NTRK3: variants seen among roughly 807,000 people sequenced by gnomAD.
The protein encoded by NTRK3 is NT-3 growth factor receptor.
Under a neutral mutation model 91.7 loss-of-function variants are expected in NTRK3, and 24 were observed. That is an observed-to-expected ratio of 0.26 (90% CI 0.19 to 0.37). The LOEUF (loss-of-function observed/expected upper bound fraction) is 0.37. Ranked by LOEUF, NTRK3 falls within the 10% of genes least tolerant of loss-of-function variation. The pLI, the probability that NTRK3 is intolerant of heterozygous loss-of-function variation, is 1.00. For missense variants in NTRK3, 880 were observed against 1,068.9 expected (o/e 0.82, Z 2.46); for synonymous variants, 483 against 404.0 (o/e 1.20, Z -2.34).
At position 88,066,693 on chromosome 15, in the gene NTRK3, G is replaced by C. The variant is rs148885938; in HGVS notation, c.1397-33648C>G. On this transcript the variant is annotated intron_variant, in intron 13 of 18. Coordinates refer to ENST00000394480, the Ensembl canonical transcript of NTRK3. ...CACCCGCCCTGAGGACCTGCAGGCA[G>C]AGCCTTGGCCAATCCCATGTTCAAT... is the stretch of plus-strand genomic sequence containing the variant. Among the ~76,000 whole-genome samples the C allele has an allele frequency of 3.6e-3, 550 of 152,248 alleles. 1 individual carries two copies. The highest frequency in any genetic ancestry group is 6.2e-3 in the Non-Finnish European group (420 of 68,014).
chr15:88,112,901 G>A (rs1429210131), intron 13 of NTRK3, among the ~76,000 whole-genome samples: 1 of 152,210 alleles, frequency 6.6e-6, no homozygotes, highest in Non-Finnish European at 1.5e-5. Flanking sequence ...GGGAGGTACA[G>A]AGTTACCCCA....
At chr15:88,150,564 C>T (rs977094124) in intron 5 of NTRK3, among the ~76,000 whole-genome samples, 5 of 152,050 alleles carry the variant, frequency 3.3e-5, no homozygotes, top group Non-Finnish European at 7.4e-5. Context: ...ATTCCTCCCG[C>T]TCTTTGGGTG....
chr15:87,994,579 G>C (rs2075545358), intron 14 of NTRK3, among the ~76,000 whole-genome samples: 1 of 152,134 alleles, frequency 6.6e-6, no homozygotes, highest in African/African-American at 2.4e-5. Context: ...CCTTGATCTT[G>C]GATTTCGGGC....
chr15:87,894,669 C>T (rs1300081765), intron 17 of NTRK3, among the ~76,000 whole-genome samples: 3 of 152,168 alleles, frequency 2.0e-5, no homozygotes, highest in African/African-American at 7.2e-5. Context: ...TATAGCCCTC[C>T]TTCCTGGAAT....
At chr15:88,206,912 C>A (rs2048843544) in intron 3 of NTRK3, among the ~76,000 whole-genome samples, 1 of 152,162 alleles carries the variant, frequency 6.6e-6, no homozygotes, top group Non-Finnish European at 1.5e-5. Context: ...CACACCATTG[C>A]CCCTGGTCAA....
intron 5 of NTRK3, among the ~76,000 whole-genome samples, chr15:88,170,198 A>G (rs889571661): frequency 8.5e-5 from 13 of 152,208 alleles, no homozygotes; most frequent in Non-Finnish European, 1.8e-4. Flanking sequence ...GTAGGACTCT[A>G]AAGCACAAAA....
At chr15:87,925,365 A>G (rs1225952068) in intron 17 of NTRK3, among the ~76,000 whole-genome samples, 1 of 151,720 alleles carries the variant, frequency 6.6e-6, no homozygotes, top group Non-Finnish European at 1.5e-5. Context: ...TATAAGGAGG[A>G]GTTTATCTCC....
At chr15:88,098,505 C>G (rs985736529) in intron 13 of NTRK3, 64 of 217,874 alleles carry the variant, frequency 2.9e-4, no homozygotes, top group Admixed American at 2.8e-3. Context: ...ATAACAGCAA[C>G]CTGGGTGGGA....
intron 13 of NTRK3, among the ~76,000 whole-genome samples, chr15:88,113,582 C>CT (rs2051690856): frequency 6.6e-6 from 1 of 152,154 alleles, no homozygotes; most frequent in South Asian, 2.1e-4. Context: ...TCCCAAAGTG[C>CT]TGGGATTATA....
At chr15:88,212,318 C>G (rs1034111560) in intron 3 of NTRK3, among the ~76,000 whole-genome samples, 1 of 152,014 alleles carries the variant, frequency 6.6e-6, no homozygotes, top group African/African-American at 2.4e-5. Context: ...TGCAGTGAGC[C>G]GAGATCGCGC....
rs1413365484 is a variant in NTRK3, at chr15:87,990,831, T to TA, written c.1585+42025dup. ...CCCACACTCTCAGTCTCTTACCTAG[T>TA]AAATGATGGAGCAATGTCCCCCACT... On this transcript the variant is annotated intron_variant, in intron 14 of 18. Coordinates refer to ENST00000394480, the Ensembl canonical transcript of NTRK3. Among the ~76,000 whole-genome samples, 22 of 152,328 alleles carry TA rather than the reference T, an allele frequency of 1.4e-4. No individual in the cohort carries two copies. The South Asian group carries it at 4.1e-3, about 29-fold the overall frequency.
intron 3 of NTRK3, among the ~76,000 whole-genome samples, chr15:88,217,934 G>A (rs1329660629): frequency 6.6e-6 from 1 of 151,916 alleles, no homozygotes; most frequent in African/African-American, 2.4e-5. Flanking sequence ...AATTTTTTTT[G>A]TATTTTTAAT....
intron 13 of NTRK3, among the ~76,000 whole-genome samples, chr15:88,055,696 C>G (rs1401801794): frequency 6.6e-6 from 1 of 152,122 alleles, no homozygotes; most frequent in Non-Finnish European, 1.5e-5. Flanking sequence ...ATCAACCAAA[C>G]AACATGAGAA....
intron 13 of NTRK3, among the ~76,000 whole-genome samples, chr15:88,110,148 C>CT (rs2051170235): frequency 6.6e-6 from 1 of 151,962 alleles, no homozygotes; most frequent in South Asian, 2.1e-4. Flanking sequence ...AGTAGGATGA[C>CT]TGGGGAAGAA....
At chr15:87,993,031 C>T (rs1388313827) in intron 14 of NTRK3, among the ~76,000 whole-genome samples, 2 of 152,146 alleles carry the variant, frequency 1.3e-5, no homozygotes, top group East Asian at 3.9e-4. Flanking sequence ...CTTCTAAGGA[C>T]TTTAAAAATG....
chr15:87,957,000 G>C (rs1219998251), intron 14 of NTRK3, among the ~76,000 whole-genome samples: 2 of 152,140 alleles, frequency 1.3e-5, no homozygotes, highest in African/African-American at 4.8e-5. Context: ...GGAGCAGTGG[G>C]TTGTATTGCC....
chr15:87,871,107 A>G (rs753623898), exon 19 of NTRK3: 8 of 230,332 alleles, frequency 3.5e-5, no homozygotes, highest in African/African-American at 1.5e-4. Flanking sequence ...TTTCTTTGAT[A>G]AAGAATTCCA....
chr15:87,883,723 A>G (rs2065377155), intron 17 of NTRK3, among the ~76,000 whole-genome samples: 1 of 151,294 alleles, frequency 6.6e-6, no homozygotes, highest in African/African-American at 2.4e-5. Flanking sequence ...TAAAAATAAG[A>G]AACATTTTCT....
chr15:88,045,398 G>GC (rs1294484155), intron 13 of NTRK3, among the ~76,000 whole-genome samples: 3 of 152,120 alleles, frequency 2.0e-5, no homozygotes, highest in Non-Finnish European at 4.4e-5. Flanking sequence ...AAATTCTCTA[G>GC]ATCATAAATC....
Sources: allele counts gnomAD v4.1 joint callset (sites outside exome capture counted in the v4.1 genomes callset), GRCh38; gene constraint gnomAD v4.1.1; transcripts MANE v1.5; gene names NCBI Gene and HGNC (gene_info 2026-07-23, HGNC 2026-07-21).